Variants in ABHD16A observed in about 807,000 individuals in gnomAD.
ABHD16A encodes abhydrolase domain containing 16A, phospholipase.
ABHD16A carries 47 observed loss-of-function variants against 89.8 expected under a neutral mutation model. The ratio of observed to expected loss-of-function variants is 0.52; its 90% confidence interval spans 0.41 to 0.67. The LOEUF (loss-of-function observed/expected upper bound fraction) is 0.67, where lower values mean the gene tolerates loss of function less well. Ranked by LOEUF, ABHD16A falls within the 30% of genes least tolerant of loss-of-function variation. The pLI, the probability that ABHD16A is intolerant of heterozygous loss-of-function variation, is 0.00. For missense variants in ABHD16A, 580 were observed against 734.6 expected, an observed-to-expected ratio of 0.79 and a Z score of 2.43; for synonymous variants, 251 against 280.4, an observed-to-expected ratio of 0.90 and a Z score of 1.05.
rs1804086020 is a variant in ABHD16A at position 31,693,283 on chromosome 6, G to C, written c.503+76C>G. Reference sequence around the variant, plus strand: ...AGGCACTGTGACCTGAGAGGGCATGGAGGTGGGAGGGCAGAGCAGAGATTT... The same window carrying C: ...AGGCACTGTGACCTGAGAGGGCATGCAGGTGGGAGGGCAGAGCAGAGATTT... On this transcript the variant is annotated intron_variant, in intron 6 of 19. Transcript: ENST00000395952. The surrounding 1 kb of genome is among the most constrained non-coding windows in gnomAD (Gnocchi z 5.0). The C allele has an allele frequency of 6.3e-7, 1 of 1,594,504 alleles. No individual in the cohort carries two copies. Among genetic ancestry groups the C allele is most frequent in the Non-Finnish European group, 8.6e-7 (1 of 1,164,860 alleles).
At position 31,687,680 on chromosome 6, in the gene ABHD16A, T is replaced by C. The variant is rs747264933; in HGVS notation, c.1508A>G (p.Tyr503Cys). The change falls in exon 18 of 20, where the codon TAC becomes TGC. Residue 503 changes from tyrosine to cysteine, a missense_variant. By Grantham distance (194) the Tyr-to-Cys change is radical (BLOSUM62 -2). Coordinates refer to ENST00000395952, the MANE Select transcript of ABHD16A (RefSeq NM_021160.3). The surrounding 1 kb of genome is among the most constrained non-coding windows in gnomAD (Gnocchi z 6.3). ...EDWCLSVLRS[Y>C]QAEHGPDFPW... ...GAAGTCGGGCCCGTGTTCTGCCTGG[T>C]AGGAGCGGAGGACAGACAGACACCA... The C allele has an allele frequency of 5.6e-6, 9 of 1,612,738 alleles. No individual in the cohort carries two copies. The highest frequency in any genetic ancestry group is 7.6e-6 in the Non-Finnish European group (9 of 1,179,954).
rs374775243 is a variant in ABHD16A, at chr6:31,693,018, G to A, written c.626+9C>T. 7.0e-5 allele frequency: 113 copies of A among 1,614,206 alleles called. No individual in the cohort carries two copies. The African/African-American group carries it at 7.9e-4, about 11-fold the overall frequency. ...CCCCAGTGGGCCTCTCCTCGCTGCT[G>A]TTTCCCACCTGGTGATCTGACAAGG... is the stretch of plus-strand genomic sequence containing the variant. On this transcript the variant is annotated intron_variant, in intron 7 of 19. Coordinates refer to ENST00000395952, the MANE Select transcript of ABHD16A (RefSeq NM_021160.3). This position sits in a 1 kb window ranked among gnomAD's most constrained non-coding sequence, Gnocchi z 5.0.
Position 31,690,968 on chromosome 6 carries a change from C to T in ABHD16A, c.844-366G>A, listed in dbSNP as rs1195336613. On this transcript the variant is annotated intron_variant, in intron 9 of 19. Coordinates refer to ENST00000395952, the MANE Select transcript of ABHD16A (RefSeq NM_021160.3). The surrounding 1 kb of genome is among the most constrained non-coding windows in gnomAD (Gnocchi z 4.1). ...TATGCTGATTGCTCTCCCTATCCCT[C>T]TCTGAGCTCCAGTCTTATGGTCAGA... Among the ~76,000 whole-genome samples, 1 of 152,188 alleles carries T rather than the reference C, an allele frequency of 6.6e-6. No individual in the cohort carries two copies. The highest frequency in any genetic ancestry group is 1.5e-5 in the Non-Finnish European group (1 of 68,040).
chr6:31,692,950 A>G, intron 7 of ABHD16A, 77 bp downstream of exon 7: 1 of 1,598,150 alleles, frequency 6.3e-7, no homozygotes, highest in Non-Finnish European at 8.6e-7. Context: ...CTATTTTACA[A>G]TGGAGCGCCC....
At position 31,689,100 on chromosome 6, in the gene ABHD16A, G is replaced by C; in HGVS notation, c.1101C>G (p.Ser367=). 6.2e-7 allele frequency: 1 copy of C among 1,613,966 alleles called. No individual in the cohort carries two copies. The change falls in exon 13 of 20, where the codon TCC becomes TCG. Residue 367 remains serine, a synonymous_variant. Transcript: ENST00000395952. ...GGATCATGGCACTAACATCTGGGTA[G>C]GACATGGCTGCCCACGTGGCTGGTA... ...GGFTATWAAM[S]YPDVSAMILD... is the part of the protein sequence containing the mutation.
At chr6:31,700,317 G>C (rs1291425693) in intron 4 of ABHD16A, among the ~76,000 whole-genome samples, 1 of 151,782 alleles carries the variant, frequency 6.6e-6, no homozygotes, top group Non-Finnish European at 1.5e-5. Flanking sequence ...GTAGAGACGG[G>C]GTTTTACCAT....
chr6:31,702,153 T>C, intron 1 of ABHD16A, 23 bp from the exon 2 acceptor site: 1 of 1,612,644 alleles, frequency 6.2e-7, no homozygotes, highest in Non-Finnish European at 8.5e-7. Flanking sequence ...ATGGCCTCCT[T>C]AAGGACCCTG....
Position 31,688,586 on chromosome 6 carries a change from G to T in ABHD16A, c.1250+137C>A. On this transcript the variant is annotated intron_variant, in intron 14 of 19. Coordinates refer to ENST00000395952, the MANE Select transcript of ABHD16A (RefSeq NM_021160.3). This position sits in a 1 kb window ranked among gnomAD's most constrained non-coding sequence, Gnocchi z 4.9. ...CCTGGGAGGGGTTAGGCCAGTTGAGGTGGTGGCAGGGTCACTCAGGATGTG... is the reference window on the plus strand; with the variant it reads ...CCTGGGAGGGGTTAGGCCAGTTGAGTTGGTGGCAGGGTCACTCAGGATGTG... The T allele has an allele frequency of 9.4e-7, 1 of 1,059,820 alleles. No homozygotes were observed. The highest frequency in any genetic ancestry group is 1.6e-5 in the African/African-American group (1 of 63,350). The allele number at this position is 1,059,820 out of a possible 1,614,324, so 65.7% of individuals were successfully genotyped here.
At chr6:31,699,723 C>A (rs1270010479) in intron 4 of ABHD16A, among the ~76,000 whole-genome samples, 1 of 151,978 alleles carries the variant, frequency 6.6e-6, no homozygotes, top group African/African-American at 2.4e-5. Context: ...TAGGCATGTG[C>A]CACCATGCCC....
At chr6:31,694,053 A>C (rs997444327) in intron 5 of ABHD16A, among the ~76,000 whole-genome samples, 1 of 145,512 alleles carries the variant, frequency 6.9e-6, no homozygotes, top group African/African-American at 2.5e-5. Flanking sequence ...GCCAGTCCAC[A>C]TGCCTTTTTT....
chr6:31,688,398 C>T lies in ABHD16A; in HGVS notation c.1251-93G>A, dbSNP rs2151221982. The T allele has an allele frequency of 7.7e-7, 1 of 1,299,508 alleles. No individual in the cohort carries two copies. The highest frequency in any genetic ancestry group is 1.1e-6 in the Non-Finnish European group (1 of 901,302). The allele number at this position is 1,299,508 out of a possible 1,614,324, so 80.5% of individuals were successfully genotyped here. A position where few individuals can be genotyped will look rare whatever the true frequency, so the allele number is the denominator to read the frequency against. On this transcript the variant is annotated intron_variant, in intron 14 of 19. Transcript: ENST00000395952. The surrounding 1 kb of genome is among the most constrained non-coding windows in gnomAD (Gnocchi z 4.9). ...TCCCTGCACTGGTAGCATTCTTACC[C>T]TCCCCTTGCTATAGCACAGCCCTTG...
At chr6:31,696,155 C>G (rs180766241) in intron 5 of ABHD16A, among the ~76,000 whole-genome samples, 2,207 of 144,878 alleles carry the variant, frequency 0.015, 41 homozygotes, top group Admixed American at 0.034. Flanking sequence ...CAGAGTGAGA[C>G]TCCGTCTCAA....
In ABHD16A at chr6:31,689,116, G is replaced by A. The variant is rs761135642; in HGVS notation, c.1085C>T (p.Thr362Met). 12 of 1,613,446 alleles carry A rather than the reference G, an allele frequency of 7.4e-6. No homozygotes were observed. Among genetic ancestry groups the A allele is most frequent in the South Asian group, 4.4e-5 (4 of 91,010 alleles). Reference protein sequence around the residue: ...YAWSIGGFTATWAAMSYPDVS... With the variant: ...YAWSIGGFTAMWAAMSYPDVS... ...ATCTGGGTAGGACATGGCTGCCCAC[G>A]TGGCTGGTACCAGGGCAGGGAAGAA... The change falls in exon 13 of 20, where the codon ACG becomes ATG. Residue 362 changes from threonine (T) to methionine (M), a missense_variant. Coordinates refer to ENST00000395952, the MANE Select transcript of ABHD16A (RefSeq NM_021160.3).
In ABHD16A at chr6:31,690,164, G is replaced by A; in HGVS notation, c.908-37C>T. 1 of 1,535,992 alleles carries A rather than the reference G, an allele frequency of 6.5e-7. No individual in the cohort carries two copies. Among genetic ancestry groups the A allele is most frequent in the South Asian group, 1.2e-5 (1 of 80,674 alleles). ...GGGGAGGAGGGACTGAGACCTTGTG[G>A]CCCACAGCCCTTTCTCCATCCCTGG... On this transcript the variant is annotated intron_variant, in intron 10 of 19. Coordinates refer to ENST00000395952, the MANE Select transcript of ABHD16A (RefSeq NM_021160.3). This position sits in a 1 kb window ranked among gnomAD's most constrained non-coding sequence, Gnocchi z 4.1.
In ABHD16A at chr6:31,687,205, T is replaced by C. The variant is rs762291582; in HGVS notation, c.*7A>G. ...CCCATTCTTCCATAATGAGTCCCAG[T>C]TGGTCCCTAGAGGTGCCAGGGCATC... On this transcript the variant is annotated 3_prime_UTR_variant, in exon 20 of 20. Transcript: ENST00000395952. The surrounding 1 kb of genome is among the most constrained non-coding windows in gnomAD (Gnocchi z 6.3). The C allele has an allele frequency of 1.2e-6, 2 of 1,610,738 alleles. No homozygotes were observed. Among genetic ancestry groups the C allele is most frequent in the East Asian group, 2.2e-5 (1 of 44,864 alleles).
intron 5 of ABHD16A, 31 bp downstream of exon 5, chr6:31,696,917 C>A (rs1310552616): frequency 6.3e-7 from 1 of 1,588,488 alleles, no homozygotes; most frequent in Non-Finnish European, 8.6e-7. Flanking sequence ...CTATTGGGTG[C>A]CTGTGTGGCA....
At chr6:31,702,200 C>A in intron 1 of ABHD16A, 70 bp from the exon 2 acceptor site, 3 of 1,470,640 alleles carry the variant, frequency 2.0e-6, no homozygotes, top group Non-Finnish European at 2.8e-6. Flanking sequence ...TTTCAGAAGC[C>A]CTGCTGTGTG....
chr6:31,689,823 G>A (rs746058282), intron 11 of ABHD16A, 119 bp from the exon 12 acceptor site: 70 of 1,416,068 alleles, frequency 4.9e-5, no homozygotes, highest in Non-Finnish European at 6.3e-5. Context: ...GTAGAAGGAA[G>A]GGATGGTAGG....
chr6:31,691,420 C>T, intron 9 of ABHD16A, 159 bp downstream of exon 9: 1 of 624,488 alleles, frequency 1.6e-6, no homozygotes, highest in Non-Finnish European at 2.8e-6. Flanking sequence ...TTCTCTATCA[C>T]AGGGTTTCAC....
Sources: gnomAD v4.1 joint callset for allele counts (sites outside exome capture counted in the v4.1 genomes callset) on GRCh38, gnomAD v4.1.1 for gene constraint, Gnocchi (gnomAD v3.1) non-coding constraint, MANE v1.5 for transcripts, NCBI Gene and HGNC (gene_info 2026-07-23, HGNC 2026-07-21) for gene names.